PRKCE: variants seen among roughly 807,000 people sequenced by gnomAD.
PRKCE encodes protein kinase C epsilon.
In PRKCE, 16 loss-of-function variants were observed where a neutral mutation model predicts 85.4. That is an observed-to-expected ratio of 0.19 (90% CI 0.13 to 0.28). The LOEUF (loss-of-function observed/expected upper bound fraction) is 0.28, where lower values mean the gene tolerates loss of function less well. Ranked by LOEUF, PRKCE falls within the 10% of genes least tolerant of loss-of-function variation. The probability of loss-of-function intolerance (pLI) is 1.00; values close to 1 mark genes in which losing one functional copy is unlikely to be tolerated. For missense variants in PRKCE, 573 were observed against 975.2 expected, an observed-to-expected ratio of 0.59 and a Z score of 5.49; for synonymous variants, 388 against 371.5, an observed-to-expected ratio of 1.04 and a Z score of -0.51.
intron 10 of PRKCE, among the ~76,000 whole-genome samples, chr2:46,031,249 T>G (rs537979824): frequency 1.3e-3 from 194 of 152,302 alleles, no homozygotes; most frequent in African/African-American, 4.6e-3. Context: ...CAATATCTCC[T>G]TGTTCCTTTG....
At chr2:45,832,778 C>G (rs1163577389) in intron 1 of PRKCE, among the ~76,000 whole-genome samples, 1 of 152,204 alleles carries the variant, frequency 6.6e-6, no homozygotes, top group African/African-American at 2.4e-5. Context: ...CTTTAACGCA[C>G]ACTCCTCTTC....
chr2:45,745,391 G>T (rs1683058680), intron 1 of PRKCE, among the ~76,000 whole-genome samples: 1 of 152,054 alleles, frequency 6.6e-6, no homozygotes, highest in Non-Finnish European at 1.5e-5. Context: ...TTCCCTATCT[G>T]CTCTGTTGTG....
chr2:46,111,178 T>A (rs1332888400), intron 11 of PRKCE, among the ~76,000 whole-genome samples: 1 of 101,154 alleles, frequency 9.9e-6, no homozygotes, highest in Non-Finnish European at 2.2e-5. Context: ...GATGGCTATT[T>A]TATAAATGTC....
chr2:46,038,439 C>G (rs74820594), intron 10 of PRKCE, among the ~76,000 whole-genome samples: 1 of 152,008 alleles, frequency 6.6e-6, no homozygotes, highest in Non-Finnish European at 1.5e-5. Flanking sequence ...GTTTACTTAC[C>G]CATGGGCAGG....
intron 2 of PRKCE, among the ~76,000 whole-genome samples, chr2:45,974,690 A>T (rs1486208518): frequency 1.3e-5 from 2 of 152,178 alleles, no homozygotes; most frequent in East Asian, 3.8e-4. Flanking sequence ...TGTTCAGGTC[A>T]TACATATGAC....
At chr2:45,835,871 A>T (rs1690830554) in intron 1 of PRKCE, among the ~76,000 whole-genome samples, 1 of 152,164 alleles carries the variant, frequency 6.6e-6, no homozygotes, top group African/African-American at 2.4e-5. Flanking sequence ...TTGGGATTAC[A>T]GGGGTGAGCC....
At chr2:45,933,332 A>G (rs1455414977) in intron 2 of PRKCE, among the ~76,000 whole-genome samples, 1 of 152,134 alleles carries the variant, frequency 6.6e-6, no homozygotes, top group Non-Finnish European at 1.5e-5. Flanking sequence ...GTATCAATTT[A>G]TCAGTTATTT....
intron 10 of PRKCE, among the ~76,000 whole-genome samples, chr2:46,048,120 G>A (rs1205617383): frequency 6.6e-6 from 1 of 151,516 alleles, no homozygotes; most frequent in Non-Finnish European, 1.5e-5. Flanking sequence ...CCCACCCCCT[G>A]CCCCTTCCAT....
Position 45,907,185 on chromosome 2 carries a change from C to A in PRKCE, c.412+64122C>A, listed in dbSNP as rs575986640. On this transcript the variant is annotated intron_variant, in intron 2 of 14. Coordinates refer to ENST00000306156, the MANE Select transcript of PRKCE (RefSeq NM_005400.3). The surrounding 1 kb of genome is among the most constrained non-coding windows in gnomAD (Gnocchi z 4.5). ...GATCAGGCCAGTGATGGAAAGAAAG[C>A]CCGAGAGAAGAGAAAAATGAAGCTT... Among the ~76,000 whole-genome samples, 70 of 152,196 alleles carry A rather than the reference C, an allele frequency of 4.6e-4. No individual in the cohort carries two copies. Among genetic ancestry groups the A allele is most frequent in the East Asian group, 7.7e-4 (4 of 5,178 alleles).
At chr2:45,834,259 G>C (rs544210077) in intron 1 of PRKCE, among the ~76,000 whole-genome samples, 1 of 152,318 alleles carries the variant, frequency 6.6e-6, no homozygotes, top group African/African-American at 2.4e-5. Flanking sequence ...TGATGAGAAT[G>C]CAGTGTTTCA....
intron 1 of PRKCE, among the ~76,000 whole-genome samples, chr2:45,825,710 C>T (rs761255716): frequency 6.6e-6 from 1 of 151,978 alleles, no homozygotes; most frequent in East Asian, 1.9e-4. Context: ...GTAGCGAGAC[C>T]CTATCTCTAC....
intron 2 of PRKCE, among the ~76,000 whole-genome samples, chr2:45,879,224 A>G (rs1278116077): frequency 6.6e-6 from 1 of 152,194 alleles, no homozygotes; most frequent in Non-Finnish European, 1.5e-5. Context: ...CTTCAGAGGG[A>G]CGGCTTGATG....
At chr2:45,655,812 C>A (rs1675349655) in intron 1 of PRKCE, among the ~76,000 whole-genome samples, 1 of 133,458 alleles carries the variant, frequency 7.5e-6, no homozygotes, top group African/African-American at 2.9e-5. Flanking sequence ...CCACGGCATT[C>A]CAGCCTGGGT....
chr2:45,909,459 G>A (rs1697221730), intron 2 of PRKCE, among the ~76,000 whole-genome samples: 1 of 152,162 alleles, frequency 6.6e-6, no homozygotes, highest in African/African-American at 2.4e-5. Context: ...GTTGTTAAGG[G>A]GTGGCCAGCC....
At chr2:45,853,357 T>G (rs746128709) in intron 2 of PRKCE, among the ~76,000 whole-genome samples, 1 of 152,212 alleles carries the variant, frequency 6.6e-6, no homozygotes, top group Non-Finnish European at 1.5e-5. Context: ...AACAAAGCAC[T>G]AAGTAACCCT....
intron 11 of PRKCE, among the ~76,000 whole-genome samples, chr2:46,096,419 A>C (rs75379315): frequency 0.025 from 3,840 of 152,292 alleles, 157 homozygotes; most frequent in African/African-American, 0.087. Flanking sequence ...CTTATGTTGA[A>C]GCTCCAATCC....
intron 2 of PRKCE, among the ~76,000 whole-genome samples, chr2:45,962,699 C>T (rs1701461480): frequency 1.3e-5 from 2 of 152,012 alleles, no homozygotes; most frequent in Admixed American, 1.3e-4. Flanking sequence ...GCCTTAAGGC[C>T]CGAATAACTG....
chr2:46,105,018 T>C (rs1299608660), intron 11 of PRKCE, among the ~76,000 whole-genome samples: 1 of 142,864 alleles, frequency 7.0e-6, no homozygotes, highest in African/African-American at 2.6e-5. Flanking sequence ...GACATCTTCC[T>C]TTTTTTTTTT....
At chr2:45,983,200 T>G (rs568560963) in intron 5 of PRKCE, among the ~76,000 whole-genome samples, 1 of 152,242 alleles carries the variant, frequency 6.6e-6, no homozygotes. Flanking sequence ...CAGCCATTCC[T>G]TGGAACTGGG....
Sources: allele counts gnomAD v4.1 joint callset (sites outside exome capture counted in the v4.1 genomes callset), GRCh38; gene constraint gnomAD v4.1.1; non-coding constraint Gnocchi (gnomAD v3.1); transcripts MANE v1.5; gene names NCBI Gene and HGNC (gene_info 2026-07-23, HGNC 2026-07-21).